LRRIQ1: variants seen among roughly 807,000 people sequenced by gnomAD.
LRRIQ1 encodes leucine rich repeats and IQ motif containing 1.
A neutral mutation model predicts 211.9 loss-of-function variants in LRRIQ1; 210 were observed. The ratio of observed to expected loss-of-function variants is 0.99; its 90% CI spans 0.89 to 1.11. The LOEUF is 1.11. LRRIQ1 is among the 50% of genes most tolerant of loss of function. The pLI, the probability that LRRIQ1 is intolerant of heterozygous loss-of-function variation, is 0.00. For synonymous variants in LRRIQ1, 699 were observed against 650.1 expected, an observed-to-expected ratio of 1.08 and a Z score of -1.14; for missense variants, 2,136 against 1,939.5, an observed-to-expected ratio of 1.10 and a Z score of -1.90.
intron 16 of LRRIQ1, 91 bp downstream of exon 16, chr12:85,121,967 C>T: frequency 8.8e-7 from 1 of 1,131,750 alleles, no homozygotes; most frequent in Non-Finnish European, 1.2e-6. Context: ...CACAATTATA[C>T]TTTTTTGGAT....
chr12:85,084,302 T>G (rs1197466945), intron 11 of LRRIQ1, among the ~76,000 whole-genome samples: 1 of 152,176 alleles, frequency 6.6e-6, no homozygotes, highest in Non-Finnish European at 1.5e-5. Context: ...TGTGCTCATA[T>G]ATGAAGGAGA....
intron 1 of LRRIQ1, among the ~76,000 whole-genome samples, chr12:85,257,029 TAA>T (rs1347927471): frequency 1.9e-5 from 2 of 105,674 alleles, no homozygotes; most frequent in African/African-American, 7.1e-5. Context: ...TATATACATA[TAA>T]TATATATTAT....
Position 85,074,552 on chromosome 12 carries a change from T to C in LRRIQ1, c.2887+1454T>C, listed in dbSNP as rs140524155. 5.5e-4 allele frequency among the ~76,000 whole-genome samples: 83 copies of C among 152,078 alleles called. 1 individual carries two copies. The East Asian group carries it at 8.3e-3, about 15-fold the overall frequency. On this transcript the variant is annotated intron_variant, in intron 11 of 26. Coordinates refer to ENST00000393217, the MANE Select transcript of LRRIQ1 (RefSeq NM_001079910.2). ...GGTCTTATTCATTCATTCTGTTTTT[T>C]TTATATATATATACATTAAGCAAGC... is the stretch of plus-strand genomic sequence containing the variant.
intron 24 of LRRIQ1, among the ~76,000 whole-genome samples, chr12:85,224,863 A>G (rs1894574274): frequency 6.6e-6 from 1 of 152,166 alleles, no homozygotes; most frequent in Non-Finnish European, 1.5e-5. Context: ...CTGCACATGT[A>G]TCTCAGAACT....
rs779708195 is a variant in LRRIQ1, at chr12:85,047,282, G to T, written c.490G>T (p.Glu164Ter). Residue 164 changes from glutamate (E) to a stop codon, truncating the protein, a stop_gained, in exon 6 of 27, where the codon GAA (glutamate) becomes TAA (stop). Coordinates refer to ENST00000393217, the MANE Select transcript of LRRIQ1 (RefSeq NM_001079910.2). LOFTEE classifies it high-confidence loss of function. ...ADINFGYCEV[E>*]EKCRQSFEAW... is the part of the protein sequence containing the mutation. ...TATAAATTTTGGATACTGTGAAGTG[G>T]AAGAAAAATGTAGACAGTCTTTTGA... The T allele has an allele frequency of 2.7e-5, 43 of 1,601,726 alleles. No homozygotes were observed. The highest frequency in any genetic ancestry group is 3.0e-5 in the Non-Finnish European group (35 of 1,176,990).
intron 1 of LRRIQ1, among the ~76,000 whole-genome samples, chr12:85,260,902 T>C (rs1416235205): frequency 1.3e-5 from 2 of 152,212 alleles, no homozygotes; most frequent in Non-Finnish European, 2.9e-5. Context: ...TAGTTTATCA[T>C]CTAAGAAACT....
chr12:85,110,388 G>A (rs1360827196), intron 15 of LRRIQ1, among the ~76,000 whole-genome samples: 2 of 152,016 alleles, frequency 1.3e-5, no homozygotes, highest in Non-Finnish European at 2.9e-5. Flanking sequence ...TATACAATAT[G>A]CCTAATAATT....
chr12:85,107,829 A>T (rs1295894305), intron 15 of LRRIQ1, among the ~76,000 whole-genome samples: 2 of 151,872 alleles, frequency 1.3e-5, no homozygotes, highest in African/African-American at 4.8e-5. Flanking sequence ...AGACTCATCT[A>T]TTTTTCATTT....
In LRRIQ1 at chr12:85,075,126, C is replaced by T. The variant is rs150006744; in HGVS notation, c.2887+2028C>T. ...TATACAAATTAACTCATTTGCTTTT[C>T]ACATCACTGGCATGAGTTAGGTACT... On this transcript the variant is annotated intron_variant, in intron 11 of 26. Coordinates refer to ENST00000393217, the MANE Select transcript of LRRIQ1 (RefSeq NM_001079910.2). 7.9e-5 allele frequency among the ~76,000 whole-genome samples: 12 copies of T among 152,174 alleles called. 1 individual carries two copies. In the East Asian group the frequency reaches 2.3e-3, roughly 30 times the overall value.
At chr12:85,103,622 A>G (rs1886552536) in intron 13 of LRRIQ1, among the ~76,000 whole-genome samples, 1 of 151,740 alleles carries the variant, frequency 6.6e-6, no homozygotes, top group South Asian at 2.1e-4. Flanking sequence ...TAAAAAATGT[A>G]AATTCTTTGT....
chr12:85,250,934 A>T (rs1273706642), intron 1 of LRRIQ1, among the ~76,000 whole-genome samples: 1 of 68,670 alleles, frequency 1.5e-5, no homozygotes, highest in Non-Finnish European at 2.8e-5. Context: ...ATTATATATT[A>T]TATATAATAT....
intron 11 of LRRIQ1, among the ~76,000 whole-genome samples, chr12:85,092,419 G>A (rs1885487348): frequency 6.6e-6 from 1 of 152,018 alleles, no homozygotes; most frequent in South Asian, 2.1e-4. Context: ...GTTTTTGTAA[G>A]CCCACAAGAT....
At chr12:85,204,697 C>G (rs747580714) in intron 24 of LRRIQ1, among the ~76,000 whole-genome samples, 1 of 145,252 alleles carries the variant, frequency 6.9e-6, no homozygotes, top group African/African-American at 2.8e-5. Flanking sequence ...CATTTTCTCC[C>G]ATTTGGAATG....
intron 22 of LRRIQ1, 52 bp from the exon 23 acceptor site, chr12:85,153,960 A>AAATATGATC: frequency 8.1e-7 from 1 of 1,240,646 alleles, no homozygotes; most frequent in Non-Finnish European, 1.1e-6. Flanking sequence ...ATGCATATCT[A>AAATATGATC]AATATGATCC....
intron 26 of LRRIQ1, 36 bp from the exon 27 acceptor site, chr12:85,244,753 T>A: frequency 6.3e-7 from 1 of 1,582,120 alleles, no homozygotes; most frequent in South Asian, 1.1e-5. Context: ...CATATTTTGT[T>A]TCATGATTGT....
chr12:85,065,327 T>A lies in LRRIQ1; in HGVS notation c.2457T>A (p.Asn819Lys), dbSNP rs775380156. 1 of 1,611,120 alleles carries A rather than the reference T, an allele frequency of 6.2e-7. No individual in the cohort carries two copies. Among genetic ancestry groups the A allele is most frequent in the Admixed American group, 1.7e-5 (1 of 59,772 alleles). The change falls in exon 9 of 27, where the codon AAT becomes AAA. Residue 819 changes from asparagine (N) to lysine (K), a missense_variant. By Grantham distance (94) the Asn-to-Lys change is moderately conservative. Coordinates refer to ENST00000393217, the MANE Select transcript of LRRIQ1 (RefSeq NM_001079910.2). ...CVLSTLAECT[N>K]LQFLSLRRCG... Reference sequence around the variant, plus strand: ...TCTCCACACTGGCAGAGTGTACAAATCTTCAGTTTCTATCCCTTCGACGCT... The same window carrying A: ...TCTCCACACTGGCAGAGTGTACAAAACTTCAGTTTCTATCCCTTCGACGCT...
chr12:85,252,972 T>C (rs890801519), intron 1 of LRRIQ1, among the ~76,000 whole-genome samples: 1 of 151,156 alleles, frequency 6.6e-6, no homozygotes, highest in African/African-American at 2.4e-5. Context: ...ACACTTAATA[T>C]AAGTAAATGA....
intron 10 of LRRIQ1, among the ~76,000 whole-genome samples, chr12:85,068,940 T>TATTC (rs1443862617): frequency 6.6e-6 from 1 of 151,010 alleles, no homozygotes; most frequent in African/African-American, 2.4e-5. Flanking sequence ...TTTATTTATT[T>TATTC]AATTTTATTA....
At chr12:85,107,358 T>C (rs1304743940) in intron 15 of LRRIQ1, among the ~76,000 whole-genome samples, 1 of 152,102 alleles carries the variant, frequency 6.6e-6, no homozygotes, top group Non-Finnish European at 1.5e-5. Context: ...TTCCCTCCCC[T>C]AGTATTTTAA....
Sources: gnomAD v4.1 joint callset for allele counts (sites outside exome capture counted in the v4.1 genomes callset) on GRCh38, gnomAD v4.1.1 for gene constraint, MANE v1.5 for transcripts, NCBI Gene and HGNC (gene_info 2026-07-23, HGNC 2026-07-21) for gene names.